Variants in SYNPR observed in about 807,000 individuals in gnomAD.
The protein encoded by SYNPR is synaptoporin.
A neutral mutation model predicts 32.9 loss-of-function variants in SYNPR; 23 were observed. The ratio of observed to expected loss-of-function variants is 0.70; its 90% CI spans 0.50 to 0.99. SYNPR has a LOEUF of 0.99. Ranked by LOEUF, SYNPR falls within the 50% of genes least tolerant of loss-of-function variation. The probability of loss-of-function intolerance (pLI) is 0.00; values close to 1 mark genes in which losing one functional copy is unlikely to be tolerated. For missense variants in SYNPR, 318 were observed against 349.3 expected (o/e 0.91, Z 0.71); for synonymous variants, 146 against 135.9 (o/e 1.07, Z -0.52).
intron 2 of SYNPR, among the ~76,000 whole-genome samples, chr3:63,295,616 T>C (rs2086786074): frequency 2.6e-5 from 4 of 152,222 alleles, no homozygotes; most frequent in Admixed American, 2.0e-4. Flanking sequence ...AATTCTGTCA[T>C]GAGCAGGCAG....
At chr3:63,373,770 T>C (rs1334113143) in intron 2 of SYNPR, among the ~76,000 whole-genome samples, 1 of 151,872 alleles carries the variant, frequency 6.6e-6, no homozygotes, top group Non-Finnish European at 1.5e-5. Flanking sequence ...CCAAGACACA[T>C]AATCATCAGA....
At position 63,480,965 on chromosome 3, in the gene SYNPR, T is replaced by C. The variant is rs185081814; in HGVS notation, c.209+9T>C. On this transcript the variant is annotated intron_variant, in intron 3 of 5. Transcript: ENST00000478300. ...TTTGCCTACCCATTCAGGTAGGGAA[T>C]GGTGGTTCATGCTTGTTAGCCTCAC... 8.1e-4 allele frequency: 1,302 copies of C among 1,609,566 alleles called. 13 individuals carry two copies. The African/African-American group carries it at 0.015, about 19-fold the overall frequency.
intron 2 of SYNPR, among the ~76,000 whole-genome samples, chr3:63,261,491 TCA>T (rs2086437364): frequency 6.9e-6 from 1 of 145,206 alleles, no homozygotes; most frequent in Non-Finnish European, 1.5e-5. Flanking sequence ...CCGCATATTC[TCA>T]CTCATAGCTG....
chr3:63,278,816 C>T, intron 2 of SYNPR, 74 bp downstream of exon 2: 1 of 1,470,998 alleles, frequency 6.8e-7, no homozygotes, highest in South Asian at 1.2e-5. Context: ...GGATGGGGTG[C>T]TCCCTGCTCA....
chr3:63,251,500 A>G (rs2086330662), intron 1 of SYNPR, among the ~76,000 whole-genome samples: 1 of 152,144 alleles, frequency 6.6e-6, no homozygotes, highest in Non-Finnish European at 1.5e-5. Context: ...AAGATCCACA[A>G]TTTTGGCAGT....
At chr3:63,274,600 C>A (rs1172047730), upstream of SYNPR, among the ~76,000 whole-genome samples, 1 of 152,178 alleles carries the variant, frequency 6.6e-6, no homozygotes, top group Non-Finnish European at 1.5e-5. Context: ...GTATTTCTTA[C>A]TACAGTGTAA....
chr3:63,297,271 G>A (rs1039820413), intron 2 of SYNPR, among the ~76,000 whole-genome samples: 1 of 152,146 alleles, frequency 6.6e-6, no homozygotes, highest in Non-Finnish European at 1.5e-5. Context: ...GCAACTTCTA[G>A]AAATTTATAA....
intron 4 of SYNPR, among the ~76,000 whole-genome samples, chr3:63,573,647 A>T (rs1702928760): frequency 6.6e-6 from 1 of 152,116 alleles, no homozygotes; most frequent in Non-Finnish European, 1.5e-5. Context: ...CAGTTGGTTC[A>T]CTGAACCCTT....
chr3:63,403,049 G>A (rs1352215170), intron 2 of SYNPR, among the ~76,000 whole-genome samples: 3 of 152,112 alleles, frequency 2.0e-5, no homozygotes, highest in East Asian at 1.9e-4. Context: ...CAGAGAGAAT[G>A]TTTATATATA....
intron 2 of SYNPR, among the ~76,000 whole-genome samples, chr3:63,420,817 A>C (rs936524664): frequency 6.6e-6 from 1 of 152,208 alleles, no homozygotes; most frequent in Non-Finnish European, 1.5e-5. Flanking sequence ...TAAAGAACTT[A>C]TAAATCAGTG....
intron 3 of SYNPR, among the ~76,000 whole-genome samples, chr3:63,496,801 C>T (rs1701381972): frequency 8.5e-6 from 1 of 118,276 alleles, no homozygotes; most frequent in Non-Finnish European, 1.8e-5. Flanking sequence ...TATCTCTTGC[C>T]CACCTGCCCC....
intron 4 of SYNPR, among the ~76,000 whole-genome samples, chr3:63,574,149 CT>C (rs1308410230): frequency 6.6e-5 from 10 of 152,076 alleles, no homozygotes; most frequent in African/African-American, 2.4e-4. Context: ...AAAATCTGCC[CT>C]GTAATATTTG....
At position 63,408,066 on chromosome 3, in the gene SYNPR, C is replaced by T. The variant is rs998904628; in HGVS notation, c.85-72766C>T. 2.0e-5 allele frequency among the ~76,000 whole-genome samples: 3 copies of T among 150,652 alleles called. No homozygotes were observed. The East Asian group carries it at 5.8e-4, about 29-fold the overall frequency. On this transcript the variant is annotated intron_variant, in intron 2 of 5. Transcript: ENST00000478300. The stretch of plus-strand genomic sequence containing the variant: ...TTTCCCTAATGGCAGTGGAAATCTG[C>T]AGGCTTTGCCTTGGCTTTTCCTTGG...
chr3:63,415,906 G>C lies in SYNPR; in HGVS notation c.85-64926G>C, dbSNP rs145199415. 5.1e-3 allele frequency among the ~76,000 whole-genome samples: 773 copies of C among 152,298 alleles called. 5 individuals are homozygous for C. The highest frequency in any genetic ancestry group is 0.017 in the African/African-American group (720 of 41,556). On this transcript the variant is annotated intron_variant, in intron 2 of 5. Transcript: ENST00000478300. Reference sequence around the variant, plus strand: ...TTTGGTCAATCATGTAATGGCAGTTGTGAAATGAAGTTGTGTGGTTTTAAA... The same window carrying C: ...TTTGGTCAATCATGTAATGGCAGTTCTGAAATGAAGTTGTGTGGTTTTAAA...
At chr3:63,338,186 A>G (rs1203640274) in intron 2 of SYNPR, among the ~76,000 whole-genome samples, 2 of 152,198 alleles carry the variant, frequency 1.3e-5, no homozygotes, top group Non-Finnish European at 2.9e-5. Flanking sequence ...GCTCTAATAA[A>G]TAAAGTTTAT....
upstream of SYNPR, among the ~76,000 whole-genome samples, chr3:63,228,054 T>C (rs1270039240): frequency 6.6e-6 from 1 of 152,124 alleles, no homozygotes; most frequent in Non-Finnish European, 1.5e-5. Context: ...AGGAAGAGGG[T>C]GATTTGATTT....
chr3:63,233,014 T>C (rs1248657176), intron 1 of SYNPR, among the ~76,000 whole-genome samples: 2 of 152,218 alleles, frequency 1.3e-5, no homozygotes, highest in Non-Finnish European at 2.9e-5. Flanking sequence ...ACTAATTTCA[T>C]CTGAAAGTGC....
intron 3 of SYNPR, among the ~76,000 whole-genome samples, chr3:63,484,425 A>G (rs921790593): frequency 6.6e-6 from 1 of 152,108 alleles, no homozygotes; most frequent in Non-Finnish European, 1.5e-5. Flanking sequence ...TAAGGTATTT[A>G]ATATATTTGT....
At chr3:63,613,406 G>T (rs1700230508) in intron 5 of SYNPR, among the ~76,000 whole-genome samples, 1 of 151,690 alleles carries the variant, frequency 6.6e-6, no homozygotes, top group Non-Finnish European at 1.5e-5. Flanking sequence ...CCCTCAGCAG[G>T]TAGCCTAGAG....
Sources: allele counts gnomAD v4.1 joint callset (sites outside exome capture counted in the v4.1 genomes callset), GRCh38; gene constraint gnomAD v4.1.1; transcripts MANE v1.5; gene names NCBI Gene and HGNC (gene_info 2026-07-23, HGNC 2026-07-21).